ZYG11A: variants seen among roughly 807,000 people sequenced by gnomAD.
The protein encoded by ZYG11A is zyg-11 family member A, cell cycle regulator.
ZYG11A carries 62 observed loss-of-function variants against 77.2 expected under a neutral mutation model. The observed-to-expected ratio is 0.80, with a 90% CI of 0.65 to 0.99. The LOEUF (loss-of-function observed/expected upper bound fraction) is 0.99, where lower values mean the gene tolerates loss of function less well. ZYG11A is among the 50% of genes least tolerant of loss of function. ZYG11A has a pLI of 0.00. For missense variants in ZYG11A, 828 were observed against 896.8 expected, an observed-to-expected ratio of 0.92 and a Z score of 0.98; for synonymous variants, 315 against 324.6, an observed-to-expected ratio of 0.97 and a Z score of 0.32.
At chr1:52,843,206 A>G (rs762832524) in intron 1 of ZYG11A, among the ~76,000 whole-genome samples, 38 of 151,998 alleles carry the variant, frequency 2.5e-4, no homozygotes, top group Non-Finnish European at 4.6e-4. Context: ...CGCCCGGCGA[A>G]GCGCGTGGAA....
intron 1 of ZYG11A, among the ~76,000 whole-genome samples, chr1:52,853,959 C>T (rs1645761465): frequency 6.6e-6 from 1 of 152,104 alleles, no homozygotes; most frequent in East Asian, 1.9e-4. Context: ...TTCTCTCTGA[C>T]TACGGGTTCA....
chr1:52,848,859 T>C lies in ZYG11A; in HGVS notation c.91-5606T>C, dbSNP rs144527804. Among the ~76,000 whole-genome samples, 806 of 152,218 alleles carry C rather than the reference T, an allele frequency of 5.3e-3. 6 individuals are homozygous for C. The highest frequency in any genetic ancestry group is 0.019 in the African/African-American group (779 of 41,550). On this transcript the variant is annotated intron_variant, in intron 1 of 13. Transcript: ENST00000371528. ...TGCAGCCTGGGCAACAGAGCTAGAC[T>C]CTGTCTCAAAAATAAAAATAAAATT...
At chr1:52,848,774 C>T (rs969586856) in intron 1 of ZYG11A, among the ~76,000 whole-genome samples, 13 of 151,998 alleles carry the variant, frequency 8.6e-5, no homozygotes, top group East Asian at 3.9e-4. Context: ...GGCTGAGGCA[C>T]GAGAATGGCT....
At chr1:52,850,589 A>G (rs959490436) in intron 1 of ZYG11A, among the ~76,000 whole-genome samples, 2 of 152,106 alleles carry the variant, frequency 1.3e-5, no homozygotes, top group African/African-American at 2.4e-5. Context: ...AAGTGTTGGG[A>G]TTATAGGCGT....
intron 1 of ZYG11A, among the ~76,000 whole-genome samples, chr1:52,847,208 A>G (rs900323345): frequency 6.6e-6 from 1 of 152,126 alleles, no homozygotes; most frequent in African/African-American, 2.4e-5. Context: ...CTGGGATTAT[A>G]GGTGTGCACC....
chr1:52,892,944 A>C lies in ZYG11A; in HGVS notation c.2267A>C (p.Gln756Pro). Residue 756 changes from glutamine (Q) to proline (P), a missense_variant, in exon 14 of 14, where the codon CAA becomes CCA. Coordinates refer to ENST00000371528, the MANE Select transcript of ZYG11A (RefSeq NM_001004339.3). ...AATTATCAGAGGCCCACTCTGTGTC[A>C]AATGCCCTTCTGAACCTAAGGAATT... The part of the protein sequence containing the change: ...FMNYQRPTLC[Q>P]MPF 4 of 1,551,772 alleles carry C rather than the reference A, an allele frequency of 2.6e-6. No homozygotes were observed. The highest frequency in any genetic ancestry group is 3.5e-6 in the Non-Finnish European group (4 of 1,147,014).
At chr1:52,856,768 C>T (rs1304361982) in intron 2 of ZYG11A, among the ~76,000 whole-genome samples, 2 of 152,146 alleles carry the variant, frequency 1.3e-5, no homozygotes, top group African/African-American at 4.8e-5. Flanking sequence ...ATTCAAGTTT[C>T]AGTTTCCTCA....
At chr1:52,845,985 T>C (rs182732533) in intron 1 of ZYG11A, among the ~76,000 whole-genome samples, 137 of 152,180 alleles carry the variant, frequency 9.0e-4, no homozygotes, top group South Asian at 1.7e-3. Flanking sequence ...AGAATAAATA[T>C]AATTATCAGT....
At chr1:52,861,311 T>C (rs1008674108) in intron 4 of ZYG11A, among the ~76,000 whole-genome samples, 4 of 152,184 alleles carry the variant, frequency 2.6e-5, no homozygotes. Flanking sequence ...GAAAGAAAAC[T>C]TCAGTTATTT....
intron 1 of ZYG11A, among the ~76,000 whole-genome samples, chr1:52,853,778 T>G (rs1023084225): frequency 6.6e-6 from 1 of 152,128 alleles, no homozygotes; most frequent in Non-Finnish European, 1.5e-5. Context: ...CATGGTGGCA[T>G]GGGCTTGTAG....
chr1:52,887,361 T>C (rs943043493), intron 13 of ZYG11A, among the ~76,000 whole-genome samples: 1 of 152,188 alleles, frequency 6.6e-6, no homozygotes, highest in African/African-American at 2.4e-5. Flanking sequence ...ATGCTATATT[T>C]AGTATGTGCT....
At chr1:52,866,872 GAT>G (rs2150004763) in intron 6 of ZYG11A, among the ~76,000 whole-genome samples, 1 of 152,286 alleles carries the variant, frequency 6.6e-6, no homozygotes, top group Admixed American at 6.5e-5. Context: ...CATTAGATAA[GAT>G]AGTGTCTGTA....
intron 1 of ZYG11A, among the ~76,000 whole-genome samples, chr1:52,845,709 A>C (rs1389248823): frequency 6.7e-6 from 1 of 149,632 alleles, no homozygotes; most frequent in Non-Finnish European, 1.5e-5. Context: ...TGTATTTTTT[A>C]AATTGATTTT....
chr1:52,870,154 G>T (rs142760113), intron 8 of ZYG11A, among the ~76,000 whole-genome samples: 11,562 of 142,712 alleles, frequency 0.081, 907 homozygotes, highest in African/African-American at 0.2. Context: ...ATGGGCAGCC[G>T]GGCAGAGACG....
intron 8 of ZYG11A, among the ~76,000 whole-genome samples, chr1:52,868,552 C>T (rs893767828): frequency 2.0e-5 from 3 of 152,156 alleles, no homozygotes; most frequent in East Asian, 3.9e-4. Flanking sequence ...GAGGCTGAGG[C>T]GGGTGGATCA....
At position 52,842,841 on chromosome 1, in the gene ZYG11A, T is replaced by C. The variant is rs1645472446; in HGVS notation, c.-43T>C. On this transcript the variant is annotated 5_prime_UTR_variant, in exon 1 of 14. Transcript: ENST00000371528. ...GTTCTCGCGGGATCCGGGCTCCGGC[T>C]CGACGCCGGCTCTCTTTTTGACGCC... 6.6e-7 allele frequency: 1 copy of C among 1,516,498 alleles called. No homozygotes were observed. The highest frequency in any genetic ancestry group is 8.9e-7 in the Non-Finnish European group (1 of 1,128,714). 93.9% of individuals were successfully genotyped at this position (1,516,498 alleles called of 1,614,324 possible). A position where few individuals can be genotyped will look rare whatever the true frequency, so the allele number is the denominator to read the frequency against.
At chr1:52,852,627 A>C (rs1304408914) in intron 1 of ZYG11A, among the ~76,000 whole-genome samples, 1 of 152,092 alleles carries the variant, frequency 6.6e-6, no homozygotes, top group Non-Finnish European at 1.5e-5. Flanking sequence ...GCCTCCCAAA[A>C]TGCACGAATT....
chr1:52,860,890 T>C lies in ZYG11A; in HGVS notation c.1149+19T>C, dbSNP rs1645915731. On this transcript the variant is annotated intron_variant, in intron 4 of 13. Transcript: ENST00000371528. ...TTTAAAGGTAATTGAAGGAAGACAATTTTTACTATTACTTCTTAACTTGGT... is the reference window on the plus strand; with the variant it reads ...TTTAAAGGTAATTGAAGGAAGACAACTTTTACTATTACTTCTTAACTTGGT... 6.5e-7 allele frequency: 1 copy of C among 1,546,994 alleles called. No homozygotes were observed. Among genetic ancestry groups the C allele is most frequent in the Non-Finnish European group, 8.7e-7 (1 of 1,144,212 alleles).
chr1:52,870,508 G>A (rs552985772), intron 8 of ZYG11A, among the ~76,000 whole-genome samples: 5 of 152,316 alleles, frequency 3.3e-5, no homozygotes, highest in South Asian at 2.1e-4. Flanking sequence ...GCCAAGGCAC[G>A]CGGCTGGGAG....
Sources: allele counts gnomAD v4.1 joint callset (sites outside exome capture counted in the v4.1 genomes callset), GRCh38; gene constraint gnomAD v4.1.1; transcripts MANE v1.5; gene names NCBI Gene and HGNC (gene_info 2026-07-23, HGNC 2026-07-21).